SPAG4: variants seen among roughly 807,000 people sequenced by gnomAD.
SPAG4 encodes the protein sperm associated antigen 4, also known as sperm-associated antigen 4 protein.
A neutral mutation model predicts 53.9 loss-of-function variants in SPAG4; 54 were observed. The ratio of observed to expected loss-of-function variants is 1.00; its 90% CI spans 0.80 to 1.26. The LOEUF is 1.26. Among genes scored for constraint, SPAG4 ranks in the 50% most tolerant of loss-of-function variants. The pLI is 0.00. For missense variants in SPAG4, 548 were observed against 568.6 expected (o/e 0.96, Z 0.37); for synonymous variants, 246 against 237.4 (o/e 1.04, Z -0.33).
intron 8 of SPAG4, 72 bp from the exon 9 acceptor site, chr20:35,619,122 AG>A: frequency 3.9e-6 from 1 of 258,808 alleles, no homozygotes; most frequent in Non-Finnish European, 6.0e-6. Flanking sequence ...ACCCGCCCCC[AG>A]CCCCCGCGCC....
chr20:35,615,899 G>C lies in SPAG4; in HGVS notation c.-105G>C. ...CCGCGGGGCCTGCCGACTTCACGCA[G>C]GGTCCGTGGGGTCCCCGCGGCGCGC... On this transcript the variant is annotated 5_prime_UTR_variant, in exon 1 of 12. Coordinates refer to ENST00000374273, the MANE Select transcript of SPAG4 (RefSeq NM_003116.3). 1 of 1,136,626 alleles carries C rather than the reference G, an allele frequency of 8.8e-7. No homozygotes were observed. Among genetic ancestry groups the C allele is most frequent in the South Asian group, 1.5e-5 (1 of 64,742 alleles). 70.4% of individuals were successfully genotyped at this position (1,136,626 alleles called of 1,614,324 possible).
chr20:35,617,890 C>T (rs781679758), intron 4 of SPAG4, 50 bp downstream of exon 4: 1 of 1,567,426 alleles, frequency 6.4e-7, no homozygotes, highest in South Asian at 1.1e-5. Flanking sequence ...GCTTTGGAGG[C>T]AAACCCAGCA....
Sources: allele counts gnomAD v4.1 joint callset, GRCh38; gene constraint gnomAD v4.1.1; transcripts MANE v1.5; gene names NCBI Gene and HGNC (gene_info 2026-07-23, HGNC 2026-07-21).